Variants in FCHSD2 observed in about 807,000 individuals in gnomAD.
The protein encoded by FCHSD2 is F-BAR and double SH3 domains protein 2.
A neutral mutation model predicts 108.1 loss-of-function variants in FCHSD2; 38 were observed. The ratio of observed to expected loss-of-function variants is 0.35; its 90% confidence interval spans 0.27 to 0.46. FCHSD2 has a LOEUF of 0.46. Ranked by LOEUF, FCHSD2 falls within the 20% of genes least tolerant of loss-of-function variation. FCHSD2 has a pLI of 1.00. For missense variants in FCHSD2, 751 were observed against 897.8 expected (o/e 0.84, Z 2.09); for synonymous variants, 279 against 314.7 (o/e 0.89, Z 1.20).
intron 12 of FCHSD2, among the ~76,000 whole-genome samples, chr11:72,869,062 A>G (rs1333525212): frequency 6.6e-6 from 1 of 151,936 alleles, no homozygotes; most frequent in Non-Finnish European, 1.5e-5. Flanking sequence ...GTGTACCACC[A>G]CACCCGGCTA....
Position 72,881,759 on chromosome 11 carries a change from T to TA in FCHSD2, c.1146+5710dup, listed in dbSNP as rs1271515934. 1.1e-4 allele frequency among the ~76,000 whole-genome samples: 16 copies of TA among 152,338 alleles called. No homozygotes were observed. The East Asian group carries it at 3.1e-3, about 29-fold the overall frequency. On this transcript the variant is annotated intron_variant, in intron 12 of 19. Transcript: ENST00000409418. ...TAAATGGAACTGGAGGTCATTATGT[T>TA]AAGTGAAATAAGCTAGGCACAGAAA...
chr11:73,108,776 T>C, intron 2 of FCHSD2, among the ~76,000 whole-genome samples: 1 of 152,104 alleles, frequency 6.6e-6, no homozygotes, highest in Non-Finnish European at 1.5e-5. Context: ...TTTCACCTTG[T>C]TAGCCAGGAT....
At chr11:72,926,529 C>T (rs1856079443) in intron 8 of FCHSD2, among the ~76,000 whole-genome samples, 1 of 152,108 alleles carries the variant, frequency 6.6e-6, no homozygotes. Flanking sequence ...CAGAGACATC[C>T]CAATGACTTG....
At chr11:73,062,888 C>A (rs1451671021) in intron 3 of FCHSD2, among the ~76,000 whole-genome samples, 1 of 152,188 alleles carries the variant, frequency 6.6e-6, no homozygotes, top group East Asian at 1.9e-4. Context: ...AGGAGAACTT[C>A]CCCAACCTAG....
At chr11:73,081,607 A>G (rs1173298745) in intron 3 of FCHSD2, among the ~76,000 whole-genome samples, 1 of 151,956 alleles carries the variant, frequency 6.6e-6, no homozygotes, top group Non-Finnish European at 1.5e-5. Flanking sequence ...GCTCACTGCA[A>G]TCTCCGGCTC....
chr11:72,932,801 G>T (rs1856221146), intron 8 of FCHSD2, among the ~76,000 whole-genome samples: 2 of 152,124 alleles, frequency 1.3e-5, no homozygotes, highest in Admixed American at 6.5e-5. Context: ...TCCATCTTCT[G>T]TGTTGAGCAT....
At chr11:73,047,860 A>T (rs1473050023) in intron 3 of FCHSD2, among the ~76,000 whole-genome samples, 1 of 152,206 alleles carries the variant, frequency 6.6e-6, no homozygotes, top group Non-Finnish European at 1.5e-5. Flanking sequence ...TGAGCTAATG[A>T]CTTTGTTATC....
intron 13 of FCHSD2, among the ~76,000 whole-genome samples, chr11:72,851,124 A>AC (rs1861277496): frequency 1.3e-5 from 2 of 150,590 alleles, no homozygotes; most frequent in Non-Finnish European, 3.0e-5. Flanking sequence ...AAAAAAAAAA[A>AC]GGTTGCTAAG....
intron 8 of FCHSD2, among the ~76,000 whole-genome samples, chr11:72,963,766 C>T (rs1315271782): frequency 1.3e-5 from 2 of 152,178 alleles, no homozygotes; most frequent in Admixed American, 1.3e-4. Flanking sequence ...TCTAATTCTG[C>T]TGCCCATCTG....
intron 2 of FCHSD2, among the ~76,000 whole-genome samples, chr11:73,117,413 G>C (rs1350410713): frequency 6.6e-6 from 1 of 152,040 alleles, no homozygotes; most frequent in Non-Finnish European, 1.5e-5. Context: ...AGGCTTTTAG[G>C]CATATTTTGG....
intron 10 of FCHSD2, among the ~76,000 whole-genome samples, chr11:72,890,870 AC>A (rs1855299942): frequency 6.6e-6 from 1 of 152,176 alleles, no homozygotes; most frequent in Non-Finnish European, 1.5e-5. Flanking sequence ...CCCAAGAAAA[AC>A]AAACTTTATT....
At chr11:72,843,417 C>A (rs1861027511) in intron 15 of FCHSD2, 32 bp downstream of exon 15, 1 of 1,608,066 alleles carries the variant, frequency 6.2e-7, no homozygotes, top group South Asian at 1.1e-5. Flanking sequence ...AAAAATGTCA[C>A]AAGAAAGGGC....
intron 9 of FCHSD2, 84 bp downstream of exon 9, chr11:72,921,744 C>T: frequency 3.6e-6 from 4 of 1,121,968 alleles, no homozygotes; most frequent in Non-Finnish European, 5.2e-6. Flanking sequence ...TCTAATATCA[C>T]TAGTACCTTC....
intron 8 of FCHSD2, among the ~76,000 whole-genome samples, chr11:72,932,665 CT>C (rs1856217994): frequency 6.6e-6 from 1 of 152,152 alleles, no homozygotes; most frequent in Non-Finnish European, 1.5e-5. Flanking sequence ...TTGGATATCT[CT>C]ATTGTCTTTT....
At chr11:72,852,185 G>A (rs1249120277) in intron 13 of FCHSD2, among the ~76,000 whole-genome samples, 1 of 151,982 alleles carries the variant, frequency 6.6e-6, no homozygotes, top group African/African-American at 2.4e-5. Flanking sequence ...CATCATGCCT[G>A]GCTGAGAATG....
chr11:73,019,947 A>G (rs771084699), intron 3 of FCHSD2, among the ~76,000 whole-genome samples: 1 of 152,202 alleles, frequency 6.6e-6, no homozygotes, highest in Non-Finnish European at 1.5e-5. Context: ...ATCATTCTCC[A>G]AGCCCACAGC....
chr11:73,104,003 T>C (rs557586495), intron 2 of FCHSD2, among the ~76,000 whole-genome samples: 1 of 152,304 alleles, frequency 6.6e-6, no homozygotes, highest in South Asian at 2.1e-4. Context: ...AATACAAAAA[T>C]ACAAATAAAT....
At chr11:73,082,109 A>ACCT (rs1859702244) in intron 3 of FCHSD2, among the ~76,000 whole-genome samples, 1 of 151,968 alleles carries the variant, frequency 6.6e-6, no homozygotes, top group Non-Finnish European at 1.5e-5. Flanking sequence ...AGGCCGAGGT[A>ACCT]GGCGGATCAC....
intron 11 of FCHSD2, among the ~76,000 whole-genome samples, chr11:72,889,587 C>T (rs954229626): frequency 2.6e-5 from 4 of 152,150 alleles, no homozygotes; most frequent in African/African-American, 9.7e-5. Flanking sequence ...GTGGCATGTG[C>T]CTGTGGTCCC....
Sources: allele counts gnomAD v4.1 joint callset (sites outside exome capture counted in the v4.1 genomes callset), GRCh38; gene constraint gnomAD v4.1.1; transcripts MANE v1.5; gene names NCBI Gene and HGNC (gene_info 2026-07-23, HGNC 2026-07-21).